SRPK2: variants seen among roughly 807,000 people sequenced by gnomAD.
The protein encoded by SRPK2 is SRSF protein kinase 2.
A neutral mutation model predicts 90.8 loss-of-function variants in SRPK2; 21 were observed. The observed-to-expected ratio is 0.23, with a 90% CI of 0.16 to 0.33. The LOEUF is 0.33. Ranked by LOEUF, SRPK2 falls within the 10% of genes least tolerant of loss-of-function variation. SRPK2 has a pLI of 1.00. For synonymous variants in SRPK2, 288 were observed against 311.1 expected, an observed-to-expected ratio of 0.93 and a Z score of 0.78; for missense variants, 620 against 869.0, an observed-to-expected ratio of 0.71 and a Z score of 3.60.
At chr7:105,151,408 G>A (rs1805628068) in intron 7 of SRPK2, among the ~76,000 whole-genome samples, 1 of 152,164 alleles carries the variant, frequency 6.6e-6, no homozygotes, top group South Asian at 2.1e-4. Context: ...ATAAGCTTTA[G>A]AAATAATCTA....
At chr7:105,286,005 AC>A (rs1406065942) in intron 2 of SRPK2, among the ~76,000 whole-genome samples, 1 of 152,204 alleles carries the variant, frequency 6.6e-6, no homozygotes, top group African/African-American at 2.4e-5. Context: ...TTCTGTTGAT[AC>A]TCCCATATCC....
intron 2 of SRPK2, among the ~76,000 whole-genome samples, chr7:105,345,247 A>G (rs1816322922): frequency 6.6e-6 from 1 of 152,042 alleles, no homozygotes; most frequent in African/African-American, 2.4e-5. Context: ...TCTGATTTAA[A>G]ACACTGAAGG....
intron 2 of SRPK2, among the ~76,000 whole-genome samples, chr7:105,206,218 G>T (rs1330960033): frequency 6.6e-6 from 1 of 152,134 alleles, no homozygotes; most frequent in Non-Finnish European, 1.5e-5. Flanking sequence ...TGTGTGCTGG[G>T]GGAGGAGGGG....
At chr7:105,269,796 G>A (rs181606456) in intron 2 of SRPK2, among the ~76,000 whole-genome samples, 1 of 152,106 alleles carries the variant, frequency 6.6e-6, no homozygotes, top group Non-Finnish European at 1.5e-5. Flanking sequence ...AACTGACATG[G>A]TCCTATTACC....
At position 105,137,789 on chromosome 7, in the gene SRPK2, C is replaced by G. The variant is rs138912426; in HGVS notation, c.1543+4219G>C. 5.1e-3 allele frequency among the ~76,000 whole-genome samples: 772 copies of G among 152,262 alleles called. 7 individuals are homozygous for G. Among genetic ancestry groups the G allele is most frequent in the African/African-American group, 0.018 (735 of 41,546 alleles). On this transcript the variant is annotated intron_variant, in intron 11 of 15. Coordinates refer to ENST00000393651, the MANE Select transcript of SRPK2 (RefSeq NM_182692.3). ...TGGCCCCAGTCTTTCTTCTACTATG[C>G]CCTAACATGTACATTCTGCCCTAAA...
chr7:105,165,439 A>C, intron 6 of SRPK2, among the ~76,000 whole-genome samples: 2 of 152,220 alleles, frequency 1.3e-5, no homozygotes, highest in East Asian at 3.9e-4. Context: ...TTTTCTGTCT[A>C]GCTAGAGGAC....
chr7:105,212,723 A>G (rs1419832307), intron 2 of SRPK2, among the ~76,000 whole-genome samples: 1 of 152,228 alleles, frequency 6.6e-6, no homozygotes, highest in Non-Finnish European at 1.5e-5. Context: ...AAGAAGAAAG[A>G]AAATTCATGG....
chr7:105,307,350 C>T (rs528002195), intron 2 of SRPK2, among the ~76,000 whole-genome samples: 3 of 152,172 alleles, frequency 2.0e-5, no homozygotes, highest in East Asian at 3.9e-4. Flanking sequence ...GATAAACATA[C>T]GATAACCCAA....
rs1227091088 is a variant in SRPK2 at position 105,388,880 on chromosome 7, T to G, written c.-74A>C. ...CGCCGAGACGAGCTGGGCTGCAGCC[T>G]CCACTCGCTCCGCCGGCCGGGAGGA... On this transcript the variant is annotated 5_prime_UTR_variant, in exon 1 of 16. Coordinates refer to ENST00000393651, the MANE Select transcript of SRPK2 (RefSeq NM_182692.3). 1.6e-6 allele frequency: 2 copies of G among 1,247,766 alleles called. No individual in the cohort carries two copies. Among genetic ancestry groups the G allele is most frequent in the African/African-American group, 3.2e-5 (2 of 62,880 alleles). 77.3% of individuals were successfully genotyped at this position (1,247,766 alleles called of 1,614,324 possible).
At chr7:105,215,549 C>T (rs1042526318) in intron 2 of SRPK2, among the ~76,000 whole-genome samples, 10 of 152,174 alleles carry the variant, frequency 6.6e-5, no homozygotes, top group African/African-American at 2.4e-4. Context: ...CTCACAGCCA[C>T]ACTTTCTTAT....
intron 3 of SRPK2, among the ~76,000 whole-genome samples, chr7:105,176,659 A>G (rs572313378): frequency 6.7e-6 from 1 of 149,270 alleles, no homozygotes; most frequent in East Asian, 2.0e-4. Flanking sequence ...GGTTTTACAT[A>G]CATATATATA....
At chr7:105,147,556 AT>A (rs1804832978) in intron 7 of SRPK2, among the ~76,000 whole-genome samples, 2 of 152,108 alleles carry the variant, frequency 1.3e-5, no homozygotes, top group African/African-American at 4.8e-5. Context: ...TGACCTTGTG[AT>A]CCACCTGTCT....
intron 2 of SRPK2, among the ~76,000 whole-genome samples, chr7:105,330,264 G>T (rs1474507269): frequency 6.6e-6 from 1 of 151,934 alleles, no homozygotes; most frequent in Non-Finnish European, 1.5e-5. Flanking sequence ...GTCAACCCAG[G>T]AGGTGGAGCT....
At chr7:105,363,600 C>G (rs1818687293) in intron 2 of SRPK2, among the ~76,000 whole-genome samples, 1 of 152,110 alleles carries the variant, frequency 6.6e-6, no homozygotes, top group Admixed American at 6.6e-5. Flanking sequence ...TTAGTTCAAC[C>G]CTTGTGGAAG....
At chr7:105,309,084 G>T (rs1811436551) in intron 2 of SRPK2, among the ~76,000 whole-genome samples, 1 of 152,036 alleles carries the variant, frequency 6.6e-6, no homozygotes. Context: ...TCCAAAAAAA[G>T]TGCACACAAA....
chr7:105,276,085 T>TA (rs201024282), intron 2 of SRPK2, among the ~76,000 whole-genome samples: 4,414 of 78,944 alleles, frequency 0.056, 197 homozygotes, highest in African/African-American at 0.13. Context: ...TATATATATA[T>TA]TTTTTTTTTT....
chr7:105,198,993 G>A (rs1051365752), intron 3 of SRPK2, among the ~76,000 whole-genome samples: 2 of 152,164 alleles, frequency 1.3e-5, no homozygotes, highest in African/African-American at 4.8e-5. Context: ...CTACTCCAGA[G>A]AGAATACCAA....
intron 3 of SRPK2, among the ~76,000 whole-genome samples, chr7:105,200,163 G>A (rs1006036429): frequency 6.6e-6 from 1 of 152,090 alleles, no homozygotes; most frequent in Non-Finnish European, 1.5e-5. Context: ...TTAACCAGGC[G>A]TGGTGGCATG....
intron 3 of SRPK2, among the ~76,000 whole-genome samples, chr7:105,171,466 T>C (rs917197919): frequency 9.2e-5 from 14 of 152,258 alleles, no homozygotes; most frequent in Admixed American, 2.0e-4. Flanking sequence ...AAAGATGTTA[T>C]TTCTTTTTTA....
Sources: gnomAD v4.1 joint callset for allele counts (sites outside exome capture counted in the v4.1 genomes callset) on GRCh38, gnomAD v4.1.1 for gene constraint, MANE v1.5 for transcripts, NCBI Gene and HGNC (gene_info 2026-07-23, HGNC 2026-07-21) for gene names.